The following RIMBP2 variants were observed in gnomAD, a reference collection of about 807,000 sequenced individuals.
RIMBP2 encodes RIMS binding protein 2.
RIMBP2 carries 48 observed loss-of-function variants against 118.6 expected under a neutral mutation model. That is an observed-to-expected ratio of 0.40 (90% CI 0.32 to 0.51). The LOEUF (loss-of-function observed/expected upper bound fraction) is 0.51. RIMBP2 is among the 20% of genes least tolerant of loss of function. The pLI is 0.41. For synonymous variants in RIMBP2, 762 were observed against 742.9 expected (o/e 1.03, Z -0.42); for missense variants, 1,551 against 1,768.3 (o/e 0.88, Z 2.20).
chr12:130,691,378 T>C (rs1301296333), intron 1 of RIMBP2, among the ~76,000 whole-genome samples: 2 of 152,024 alleles, frequency 1.3e-5, no homozygotes, highest in African/African-American at 4.8e-5. Context: ...ACTTAAGAAG[T>C]AGGTACACAG....
At chr12:130,534,555 G>A (rs1466922150) in intron 2 of RIMBP2, among the ~76,000 whole-genome samples, 1 of 152,226 alleles carries the variant, frequency 6.6e-6, no homozygotes, top group Non-Finnish European at 1.5e-5. Context: ...ATATGCAAAT[G>A]TAGCGGGAAG....
chr12:130,424,482 G>A lies in RIMBP2; in HGVS notation c.2789C>T (p.Ser930Leu), dbSNP rs546827584. The A allele has an allele frequency of 3.5e-4, 426 of 1,232,120 alleles. No individual in the cohort carries two copies. The highest frequency in any genetic ancestry group is 8.2e-4 in the East Asian group (26 of 31,696). The allele number at this position is 1,232,120 out of a possible 1,614,324, so 76.3% of individuals were successfully genotyped here. A position where few individuals can be genotyped will look rare whatever the true frequency, so the allele number is the denominator to read the frequency against. ...CACGGTGTTTCCGAAGCCAAACCGC[G>A]ACTCGTCCTCTTCACTCCCACAGTC... Reference protein sequence around the residue: ...GLDCGSEEDESRFGFGNTVAA... With the variant: ...GLDCGSEEDELRFGFGNTVAA... The change falls in exon 16 of 23, where the codon TCG (serine) becomes TTG (leucine). Residue 930 changes from serine (S) to leucine (L), a missense_variant. Transcript: ENST00000690449. The surrounding 1 kb of genome is among the most constrained non-coding windows in gnomAD (Gnocchi z 9.8).
chr12:130,564,186 T>C (rs1390677545), intron 2 of RIMBP2, among the ~76,000 whole-genome samples: 1 of 147,368 alleles, frequency 6.8e-6, no homozygotes, highest in Non-Finnish European at 1.5e-5. Context: ...GCCCTCTTCC[T>C]CTTCTCCCAG....
intron 1 of RIMBP2, chr12:130,668,689 C>A (rs76495486): frequency 2.6e-5 from 4 of 152,378 alleles, no homozygotes; most frequent in African/African-American, 9.6e-5. Flanking sequence ...CTGCTTGAGC[C>A]GGTGGCTCCC....
chr12:130,643,225 A>G (rs998429621), intron 1 of RIMBP2, among the ~76,000 whole-genome samples: 4 of 152,184 alleles, frequency 2.6e-5, no homozygotes, highest in African/African-American at 4.8e-5. Flanking sequence ...TGTGGAACGC[A>G]GGGAGCTCAC....
At chr12:130,662,204 G>A (rs965026058) in intron 1 of RIMBP2, among the ~76,000 whole-genome samples, 9 of 152,070 alleles carry the variant, frequency 5.9e-5, no homozygotes, top group South Asian at 2.1e-4. Context: ...TAGCTGACCC[G>A]TCACGCTCTG....
rs1265183397 is a variant in RIMBP2, at chr12:130,424,330, C to G, written c.2941G>C (p.Gly981Arg). 8.1e-7 allele frequency: 1 copy of G among 1,232,004 alleles called. No individual in the cohort carries two copies. Among genetic ancestry groups the G allele is most frequent in the Non-Finnish European group, 1.0e-6 (1 of 987,876 alleles). 76.3% of individuals were successfully genotyped at this position (1,232,004 alleles called of 1,614,324 possible). A position where few individuals can be genotyped will look rare whatever the true frequency, so the allele number is the denominator to read the frequency against. ...EEDFGEQVGP[G>R]GLLRNDDPQP... is the part of the protein sequence containing the mutation. ...GGGTCGTCGTTCCTGAGGAGGCCAC[C>G]AGGGCCCACCTGCTCCCCAAAGTCC... Residue 981 changes from glycine (G) to arginine (R), a missense_variant, in exon 16 of 23, where the codon GGT becomes CGT. By Grantham distance (125) the Gly-to-Arg change is moderately radical. Transcript: ENST00000690449. The surrounding 1 kb of genome is among the most constrained non-coding windows in gnomAD (Gnocchi z 9.8).
In RIMBP2 at chr12:130,685,889, G is replaced by C. The variant is rs543752027; in HGVS notation, c.-352+30333C>G. Among the ~76,000 whole-genome samples the C allele has an allele frequency of 2.0e-5, 3 of 152,288 alleles. No individual in the cohort carries two copies. The South Asian group carries it at 6.2e-4, about 32-fold the overall frequency. On this transcript the variant is annotated intron_variant, in intron 1 of 22. Transcript: ENST00000690449. Reference sequence around the variant, plus strand: ...GTGGACCAGAACAAAATGCGCATCAGCCAATCTTTCTTTAAGCTCCTCTCC... The same window carrying C: ...GTGGACCAGAACAAAATGCGCATCACCCAATCTTTCTTTAAGCTCCTCTCC...
intron 2 of RIMBP2, among the ~76,000 whole-genome samples, chr12:130,558,619 G>A (rs139011412): frequency 1.2e-4 from 19 of 152,322 alleles, no homozygotes; most frequent in African/African-American, 4.1e-4. Flanking sequence ...AAAGGGAAGA[G>A]ACCGAGAATG....
chr12:130,669,826 G>A (rs1017501413), intron 1 of RIMBP2, among the ~76,000 whole-genome samples: 22 of 152,184 alleles, frequency 1.4e-4, no homozygotes, highest in African/African-American at 4.6e-4. Context: ...AGCCACTGAC[G>A]GTGAAAACCA....
chr12:130,425,579 G>A (rs1414725320), intron 15 of RIMBP2: 1 of 152,380 alleles, frequency 6.6e-6, no homozygotes, highest in East Asian at 1.9e-4. Flanking sequence ...TCCAGTGGGT[G>A]GCACAGAGCT....
Position 130,442,914 on chromosome 12 carries a change from T to C in RIMBP2, c.692-254A>G, listed in dbSNP as rs1166781384. On this transcript the variant is annotated intron_variant, in intron 10 of 22. Transcript: ENST00000690449. The surrounding 1 kb of genome is among the most constrained non-coding windows in gnomAD (Gnocchi z 6.9). ...TCGCAACCTGAAACCATCATGTTTG[T>C]GTATCCGTGTACGTACACTGACTAC... is the stretch of plus-strand genomic sequence containing the variant. Among the ~76,000 whole-genome samples, 1 of 152,160 alleles carries C rather than the reference T, an allele frequency of 6.6e-6. No individual in the cohort carries two copies. The highest frequency in any genetic ancestry group is 6.5e-5 in the Admixed American group (1 of 15,274).
At chr12:130,471,151 C>A (rs114311681) in intron 5 of RIMBP2, among the ~76,000 whole-genome samples, 1 of 152,186 alleles carries the variant, frequency 6.6e-6, no homozygotes, top group African/African-American at 2.4e-5. Flanking sequence ...GAGGAGGGGC[C>A]GGGGCTGGGT....
chr12:130,462,925 C>G (rs2080133818), intron 6 of RIMBP2, among the ~76,000 whole-genome samples: 1 of 152,232 alleles, frequency 6.6e-6, no homozygotes, highest in Non-Finnish European at 1.5e-5. Context: ...TCCCCCACCT[C>G]AAATTCCTAC....
At chr12:130,702,583 G>GGAAGGAAT (rs2065912100) in intron 1 of RIMBP2, among the ~76,000 whole-genome samples, 1 of 149,434 alleles carries the variant, frequency 6.7e-6, no homozygotes, top group Non-Finnish European at 1.5e-5. Flanking sequence ...AAGGAAGGAA[G>GGAAGGAAT]GAAGAAGGGA....
intron 19 of RIMBP2, 105 bp from the exon 20 acceptor site, chr12:130,407,934 G>T: frequency 9.9e-7 from 1 of 1,012,212 alleles, no homozygotes; most frequent in Non-Finnish European, 1.6e-6. Context: ...CCGAGACCTG[G>T]CACTGCTAAC....
intron 1 of RIMBP2, among the ~76,000 whole-genome samples, chr12:130,671,201 G>C (rs2064181309): frequency 6.6e-6 from 1 of 152,118 alleles, no homozygotes; most frequent in South Asian, 2.1e-4. Flanking sequence ...AAAAAAATAA[G>C]AGACCCCGGC....
intron 1 of RIMBP2, among the ~76,000 whole-genome samples, chr12:130,715,751 C>G (rs1054549815): frequency 3.4e-5 from 1 of 29,538 alleles, no homozygotes; most frequent in South Asian, 2.8e-3. Context: ...GTCCCACGTC[C>G]CCTTCCCCCC....
chr12:130,579,928 G>A (rs1472613127), intron 2 of RIMBP2, among the ~76,000 whole-genome samples: 1 of 149,864 alleles, frequency 6.7e-6, no homozygotes, highest in African/African-American at 2.5e-5. Flanking sequence ...TTCAAAATAA[G>A]TAATATTCAG....
Sources: allele counts gnomAD v4.1 joint callset (sites outside exome capture counted in the v4.1 genomes callset), GRCh38; gene constraint gnomAD v4.1.1; non-coding constraint Gnocchi (gnomAD v3.1); transcripts MANE v1.5; gene names NCBI Gene and HGNC (gene_info 2026-07-23, HGNC 2026-07-21).